The following OLFM3 variants were observed in gnomAD, a reference collection of about 807,000 sequenced individuals.
The protein encoded by OLFM3 is noelin-3.
A neutral mutation model predicts 48.6 loss-of-function variants in OLFM3; 20 were observed. The observed-to-expected ratio is 0.41, with a 90% confidence interval of 0.29 to 0.60. The LOEUF is 0.60. OLFM3 is among the 20% of genes least tolerant of loss of function. The probability of loss-of-function intolerance (pLI) is 0.28; values close to 1 mark genes in which losing one functional copy is unlikely to be tolerated. For synonymous variants in OLFM3, 222 were observed against 198.1 expected (o/e 1.12, Z -1.01); for missense variants, 437 against 544.3 (o/e 0.80, Z 1.96).
At chr1:101,908,317 A>C (rs191432050) in intron 1 of OLFM3, among the ~76,000 whole-genome samples, 2 of 152,350 alleles carry the variant, frequency 1.3e-5, no homozygotes, top group Admixed American at 6.5e-5. Flanking sequence ...AAAAATGTCT[A>C]TATCTAAAAG....
At chr1:101,993,699 C>T (rs1332221006) in intron 1 of OLFM3, among the ~76,000 whole-genome samples, 1 of 151,898 alleles carries the variant, frequency 6.6e-6, no homozygotes, top group African/African-American at 2.4e-5. Context: ...TATAAAAATA[C>T]AAATAATTAA....
At chr1:101,899,253 AT>A (rs924814417) in intron 1 of OLFM3, among the ~76,000 whole-genome samples, 1 of 151,970 alleles carries the variant, frequency 6.6e-6, no homozygotes, top group Non-Finnish European at 1.5e-5. Flanking sequence ...CTGAGGTGTC[AT>A]TTTTTTCACT....
chr1:101,887,287 GA>G (rs1184031056), intron 1 of OLFM3, among the ~76,000 whole-genome samples: 1 of 151,580 alleles, frequency 6.6e-6, no homozygotes, highest in Non-Finnish European at 1.5e-5. Flanking sequence ...ACAAATATTT[GA>G]AAGAAAATAA....
chr1:101,871,935 A>G (rs996838669), intron 1 of OLFM3, among the ~76,000 whole-genome samples: 6 of 152,202 alleles, frequency 3.9e-5, no homozygotes, highest in African/African-American at 1.4e-4. Flanking sequence ...GAACGTTGTC[A>G]TAGAAAAATG....
At chr1:101,887,998 AC>A (rs1311674242) in intron 1 of OLFM3, among the ~76,000 whole-genome samples, 2 of 152,144 alleles carry the variant, frequency 1.3e-5, no homozygotes, top group African/African-American at 4.8e-5. Flanking sequence ...ATAATTATTG[AC>A]TTGGAAAAAT....
chr1:101,861,037 G>T (rs891187815), intron 1 of OLFM3, among the ~76,000 whole-genome samples: 14 of 152,028 alleles, frequency 9.2e-5, no homozygotes, highest in Admixed American at 7.2e-4. Context: ...AGCAGCTACA[G>T]AAATCTGAAA....
chr1:101,872,190 T>A (rs1350552123), intron 1 of OLFM3, among the ~76,000 whole-genome samples: 1 of 152,050 alleles, frequency 6.6e-6, no homozygotes, highest in Admixed American at 6.6e-5. Flanking sequence ...GAAAGCCTCA[T>A]AGGCTATATG....
intron 4 of OLFM3, among the ~76,000 whole-genome samples, chr1:101,816,342 T>C (rs980067764): frequency 6.6e-6 from 1 of 152,180 alleles, no homozygotes; most frequent in Non-Finnish European, 1.5e-5. Flanking sequence ...GGTTTGTTTA[T>C]AAAAATAATC....
chr1:101,828,046 G>GTCTGTCTCTCTCTC (rs1557691406), intron 3 of OLFM3, among the ~76,000 whole-genome samples: 17 of 129,966 alleles, frequency 1.3e-4, no homozygotes, highest in African/African-American at 3.7e-4. Context: ...CTGTCTGTCT[G>GTCTGTCTCTCTCTC]TCTGTCTCTC....
intron 1 of OLFM3, among the ~76,000 whole-genome samples, chr1:101,959,470 C>T (rs1292990529): frequency 6.6e-6 from 1 of 151,894 alleles, no homozygotes; most frequent in Non-Finnish European, 1.5e-5. Flanking sequence ...AACAGGTATC[C>T]CTCATCAAGC....
chr1:101,951,340 C>T (rs1415090), intron 1 of OLFM3, among the ~76,000 whole-genome samples: 92,721 of 152,028 alleles, frequency 0.61, 28,498 homozygotes, highest in East Asian at 0.73. Context: ...ATCAAAGTAT[C>T]AACCTACATT....
intron 1 of OLFM3, among the ~76,000 whole-genome samples, chr1:101,992,320 A>G (rs1307596163): frequency 6.6e-6 from 1 of 152,202 alleles, no homozygotes; most frequent in Non-Finnish European, 1.5e-5. Flanking sequence ...GTGAGAAAGA[A>G]TATTTACTTC....
chr1:101,882,334 A>T (rs1657566739), intron 1 of OLFM3, among the ~76,000 whole-genome samples: 1 of 95,618 alleles, frequency 1.0e-5, no homozygotes, highest in Non-Finnish European at 2.3e-5. Flanking sequence ...TATATATAAT[A>T]TATATATATA....
At chr1:101,820,588 G>A (rs1218389459) in intron 4 of OLFM3, among the ~76,000 whole-genome samples, 1 of 152,072 alleles carries the variant, frequency 6.6e-6, no homozygotes, top group Non-Finnish European at 1.5e-5. Context: ...TCGCTGTTGA[G>A]AGATTTTCCT....
At chr1:101,808,802 G>T (rs1653908062) in intron 4 of OLFM3, among the ~76,000 whole-genome samples, 1 of 151,662 alleles carries the variant, frequency 6.6e-6, no homozygotes, top group African/African-American at 2.4e-5. Context: ...AACCGAGGAT[G>T]GCCAGATATT....
At chr1:101,811,438 C>T (rs1301878591) in intron 4 of OLFM3, among the ~76,000 whole-genome samples, 1 of 152,020 alleles carries the variant, frequency 6.6e-6, no homozygotes, top group East Asian at 1.9e-4. Context: ...GCAATCTACT[C>T]ATCTGAAAAA....
chr1:101,963,697 A>G (rs1660529524), intron 1 of OLFM3, among the ~76,000 whole-genome samples: 1 of 152,078 alleles, frequency 6.6e-6, no homozygotes, highest in African/African-American at 2.4e-5. Context: ...TCCTTTTTAT[A>G]TCATTGGTTT....
At chr1:101,876,917 T>C (rs1214321895) in intron 1 of OLFM3, among the ~76,000 whole-genome samples, 3 of 151,880 alleles carry the variant, frequency 2.0e-5, no homozygotes, top group Non-Finnish European at 4.4e-5. Context: ...CAATTCCTTA[T>C]CTAGCTCTGT....
intron 1 of OLFM3, among the ~76,000 whole-genome samples, chr1:101,870,956 A>G (rs1657057541): frequency 6.6e-6 from 1 of 151,900 alleles, no homozygotes; most frequent in African/African-American, 2.4e-5. Flanking sequence ...TTTAAAAAGA[A>G]AAAAAAAGAA....
Sources: gnomAD v4.1 joint callset for allele counts (sites outside exome capture counted in the v4.1 genomes callset) on GRCh38, gnomAD v4.1.1 for gene constraint, MANE v1.5 for transcripts, NCBI Gene and HGNC (gene_info 2026-07-23, HGNC 2026-07-21) for gene names.